Variants in NXPH1 observed in about 807,000 individuals in gnomAD.
NXPH1 encodes neurexophilin-1.
A neutral mutation model predicts 23.7 loss-of-function variants in NXPH1; 5 were observed. The observed-to-expected ratio is 0.21, with a 90% CI of 0.11 to 0.44. NXPH1 has a LOEUF of 0.44. Ranked by LOEUF, NXPH1 falls within the 20% of genes least tolerant of loss-of-function variation. NXPH1 has a pLI of 0.99. For synonymous variants in NXPH1, 144 were observed against 122.2 expected (o/e 1.18, Z -1.18); for missense variants, 324 against 321.6 (o/e 1.01, Z -0.06).
At chr7:8,536,197 A>T (rs1468494886) in intron 2 of NXPH1, among the ~76,000 whole-genome samples, 1 of 152,082 alleles carries the variant, frequency 6.6e-6, no homozygotes, top group Non-Finnish European at 1.5e-5. Context: ...GCTTGCAGAT[A>T]AGAAAATATG....
At chr7:8,594,243 T>A (rs980231430) in intron 2 of NXPH1, among the ~76,000 whole-genome samples, 1 of 152,108 alleles carries the variant, frequency 6.6e-6, no homozygotes, top group African/African-American at 2.4e-5. Flanking sequence ...AGAGTCTTTT[T>A]CACTCTGTAG....
At chr7:8,628,563 T>C (rs974703934) in intron 2 of NXPH1, among the ~76,000 whole-genome samples, 1 of 151,696 alleles carries the variant, frequency 6.6e-6, no homozygotes, top group South Asian at 2.1e-4. Flanking sequence ...TTTCTCTAAA[T>C]TAAGCCAGCC....
chr7:8,748,825 C>T (rs1780516477), intron 2 of NXPH1, among the ~76,000 whole-genome samples: 1 of 152,156 alleles, frequency 6.6e-6, no homozygotes, highest in Admixed American at 6.5e-5. Flanking sequence ...TTCATGGAGA[C>T]AAACTTGCAG....
At chr7:8,632,422 T>C (rs1424506741) in intron 2 of NXPH1, among the ~76,000 whole-genome samples, 2 of 152,210 alleles carry the variant, frequency 1.3e-5, no homozygotes, top group African/African-American at 4.8e-5. Flanking sequence ...TTTATGTCTT[T>C]GGCTCTTTTT....
intron 2 of NXPH1, among the ~76,000 whole-genome samples, chr7:8,485,076 CGTA>C (rs1303370518): frequency 6.6e-6 from 1 of 152,058 alleles, no homozygotes; most frequent in East Asian, 1.9e-4. Context: ...CCTCTTCTAA[CGTA>C]AGAAGAACTA....
intron 2 of NXPH1, among the ~76,000 whole-genome samples, chr7:8,607,867 G>C (rs565467369): frequency 6.6e-6 from 1 of 152,330 alleles, no homozygotes; most frequent in East Asian, 1.9e-4. Flanking sequence ...CTGAAGTAAG[G>C]TGGACTCTTA....
At chr7:8,462,141 TG>T (rs1816706637) in intron 2 of NXPH1, among the ~76,000 whole-genome samples, 1 of 152,092 alleles carries the variant, frequency 6.6e-6, no homozygotes, top group South Asian at 2.1e-4. Context: ...CCCTGCCTCA[TG>T]GGTTCAAGTG....
chr7:8,745,582 C>G (rs2115231491), intron 2 of NXPH1, among the ~76,000 whole-genome samples: 1 of 152,216 alleles, frequency 6.6e-6, no homozygotes, highest in South Asian at 2.1e-4. Flanking sequence ...GAAACAGAGT[C>G]TTGCTCTGTC....
chr7:8,579,651 C>T (rs556433073), intron 2 of NXPH1, among the ~76,000 whole-genome samples: 1 of 152,300 alleles, frequency 6.6e-6, no homozygotes, highest in East Asian at 1.9e-4. Context: ...GGATTATAGG[C>T]GTGAGCCACC....
At chr7:8,468,020 G>A (rs528808973) in intron 2 of NXPH1, among the ~76,000 whole-genome samples, 17 of 151,940 alleles carry the variant, frequency 1.1e-4, no homozygotes, top group African/African-American at 2.2e-4. Context: ...GATAAATTGC[G>A]CAAAAAGAAA....
At chr7:8,515,083 T>C (rs1310056834) in intron 2 of NXPH1, among the ~76,000 whole-genome samples, 1 of 152,098 alleles carries the variant, frequency 6.6e-6, no homozygotes, top group Non-Finnish European at 1.5e-5. Context: ...ATGCAAGAGA[T>C]AGTGAGACTA....
At chr7:8,681,029 C>G (rs1002940161) in intron 2 of NXPH1, among the ~76,000 whole-genome samples, 1 of 152,230 alleles carries the variant, frequency 6.6e-6, no homozygotes, top group African/African-American at 2.4e-5. Context: ...GTTGCTCAAA[C>G]ACACAACTGG....
At chr7:8,595,850 TATGTACCC>T (rs1819211454) in intron 2 of NXPH1, among the ~76,000 whole-genome samples, 1 of 152,074 alleles carries the variant, frequency 6.6e-6, no homozygotes, top group South Asian at 2.1e-4. Context: ...TTTTAGTGAT[TATGTACCC>T]ATTTGAGGCT....
At chr7:8,436,599 TGA>T (rs1272162833) in intron 2 of NXPH1, among the ~76,000 whole-genome samples, 2 of 151,786 alleles carry the variant, frequency 1.3e-5, no homozygotes, top group Non-Finnish European at 2.9e-5. Flanking sequence ...ACAAGGAGAA[TGA>T]GATATTTCAG....
Position 8,452,326 on chromosome 7 carries a change from A to G in NXPH1, c.54+16559A>G, listed in dbSNP as rs532538495. On this transcript the variant is annotated intron_variant, in intron 2 of 2. Coordinates refer to ENST00000405863, the MANE Select transcript of NXPH1 (RefSeq NM_152745.3). ...TTTTTGATATACTCTTTCTTTAAAT[A>G]TGTTACCACCACTGATGAAACTTCA... Among the ~76,000 whole-genome samples the G allele has an allele frequency of 7.9e-5, 12 of 152,272 alleles. No individual in the cohort carries two copies. The South Asian group carries it at 1.9e-3, about 24-fold the overall frequency.
intron 2 of NXPH1, among the ~76,000 whole-genome samples, chr7:8,491,532 T>C (rs751408471): frequency 1.3e-5 from 2 of 152,016 alleles, no homozygotes; most frequent in Non-Finnish European, 2.9e-5. Context: ...TTGATTTTGA[T>C]TGTAAATCTC....
Position 8,646,644 on chromosome 7 carries a change from G to A in NXPH1, c.55-104364G>A, listed in dbSNP as rs570468748. Among the ~76,000 whole-genome samples the A allele has an allele frequency of 4.6e-5, 7 of 152,058 alleles. No individual in the cohort carries two copies. The South Asian group carries it at 1.0e-3, about 23-fold the overall frequency. ...AGTTTCTGAGATTTTTGTTTTTAAA[G>A]TCTTGAATGCCAATTTTATAATATG... is the stretch of plus-strand genomic sequence containing the variant. On this transcript the variant is annotated intron_variant, in intron 2 of 2. Transcript: ENST00000405863.
chr7:8,743,358 G>A (rs892608491), intron 2 of NXPH1, among the ~76,000 whole-genome samples: 2 of 151,336 alleles, frequency 1.3e-5, no homozygotes, highest in African/African-American at 2.4e-5. Flanking sequence ...ATATACAAAT[G>A]TTTGGAGACA....
intron 2 of NXPH1, among the ~76,000 whole-genome samples, chr7:8,583,948 C>G (rs1818930610): frequency 1.3e-5 from 2 of 152,276 alleles, no homozygotes; most frequent in Non-Finnish European, 2.9e-5. Context: ...AGTGAGAACA[C>G]AGTTATCTGC....
Sources: gnomAD v4.1 joint callset for allele counts (sites outside exome capture counted in the v4.1 genomes callset) on GRCh38, gnomAD v4.1.1 for gene constraint, MANE v1.5 for transcripts, NCBI Gene and HGNC (gene_info 2026-07-23, HGNC 2026-07-21) for gene names.